The following TRIO variants were observed in gnomAD, a reference collection of about 807,000 sequenced individuals.
TRIO encodes the protein triple functional domain protein.
In TRIO, 58 loss-of-function variants were observed where a neutral mutation model predicts 351.9. The ratio of observed to expected loss-of-function variants is 0.16; its 90% CI spans 0.13 to 0.21. The LOEUF (loss-of-function observed/expected upper bound fraction) is 0.21, where lower values mean the gene tolerates loss of function less well. Among genes scored for constraint, TRIO ranks in the 10% least tolerant of loss-of-function variants. The probability of loss-of-function intolerance (pLI) is 1.00; values close to 1 mark genes in which losing one functional copy is unlikely to be tolerated. For missense variants in TRIO, 3,201 were observed against 4,027.8 expected (o/e 0.79, Z 5.56); for synonymous variants, 1,758 against 1,595.7 (o/e 1.10, Z -2.42).
chr5:14,474,388 A>C (rs1754897161), intron 40 of TRIO, among the ~76,000 whole-genome samples: 1 of 151,978 alleles, frequency 6.6e-6, no homozygotes, highest in Non-Finnish European at 1.5e-5. Context: ...CCTGGTCCTG[A>C]CCCCGAGCCC....
At chr5:14,312,967 A>G (rs548615640) in intron 8 of TRIO, among the ~76,000 whole-genome samples, 33 of 152,250 alleles carry the variant, frequency 2.2e-4, no homozygotes, top group Non-Finnish European at 3.7e-4. Flanking sequence ...TGAAAACTAT[A>G]TATGCCATCC....
At chr5:14,349,189 T>C (rs1194973234) in intron 11 of TRIO, among the ~76,000 whole-genome samples, 1 of 151,380 alleles carries the variant, frequency 6.6e-6, no homozygotes, top group African/African-American at 2.4e-5. Flanking sequence ...TTTTCCTGTG[T>C]GTATATGTGT....
intron 1 of TRIO, among the ~76,000 whole-genome samples, chr5:14,150,165 T>C (rs1218644439): frequency 6.6e-6 from 1 of 152,196 alleles, no homozygotes; most frequent in Non-Finnish European, 1.5e-5. Flanking sequence ...TCACAAACTA[T>C]AGTACAGCCA....
At chr5:14,219,276 T>C (rs1338954689) in intron 1 of TRIO, among the ~76,000 whole-genome samples, 1 of 151,982 alleles carries the variant, frequency 6.6e-6, no homozygotes, top group Admixed American at 6.6e-5. Flanking sequence ...CCTGACCAGA[T>C]CATTGTTTTC....
chr5:14,218,989 T>C (rs1792409407), intron 1 of TRIO, among the ~76,000 whole-genome samples: 1 of 152,126 alleles, frequency 6.6e-6, no homozygotes, highest in African/African-American at 2.4e-5. Context: ...GTTTACAAGA[T>C]TTAGGACAAG....
At chr5:14,233,624 C>T (rs1043782611) in intron 1 of TRIO, among the ~76,000 whole-genome samples, 3 of 151,980 alleles carry the variant, frequency 2.0e-5, no homozygotes, top group Non-Finnish European at 4.4e-5. Flanking sequence ...TTCACAGTGG[C>T]ACACTGAATC....
intron 1 of TRIO, among the ~76,000 whole-genome samples, chr5:14,174,110 G>C (rs26117): frequency 0.09 from 13,743 of 152,240 alleles, 719 homozygotes; most frequent in African/African-American, 0.13. Context: ...TAGAGCTGCT[G>C]ATTTATGGAG....
chr5:14,348,628 A>G (rs1480436546), intron 11 of TRIO, among the ~76,000 whole-genome samples: 1 of 152,038 alleles, frequency 6.6e-6, no homozygotes, highest in Non-Finnish European at 1.5e-5. Flanking sequence ...GCATGTGTGT[A>G]CACAAACATG....
chr5:14,267,573 A>C (rs1490367263), intron 1 of TRIO, among the ~76,000 whole-genome samples: 2 of 152,160 alleles, frequency 1.3e-5, no homozygotes, highest in African/African-American at 4.8e-5. Flanking sequence ...ACTTATTTTT[A>C]ATTTTTTAGA....
At chr5:14,162,261 A>G (rs748930520) in intron 1 of TRIO, among the ~76,000 whole-genome samples, 3 of 152,206 alleles carry the variant, frequency 2.0e-5, no homozygotes, top group Admixed American at 1.3e-4. Context: ...CTCTGTGAAC[A>G]TACTGAAGGC....
chr5:14,147,888 A>G (rs185464066), intron 1 of TRIO, among the ~76,000 whole-genome samples: 3 of 152,342 alleles, frequency 2.0e-5, no homozygotes, highest in East Asian at 1.9e-4. Context: ...GTTACCCTCA[A>G]TATTTCAAAA....
At position 14,406,675 on chromosome 5, in the gene TRIO, G is replaced by A; in HGVS notation, c.4959+3G>A. The A allele has an allele frequency of 6.2e-7, 1 of 1,613,662 alleles. No homozygotes were observed. Among genetic ancestry groups the A allele is most frequent in the Non-Finnish European group, 8.5e-7 (1 of 1,179,774 alleles). On this transcript the variant is annotated splice_donor_region_variant and intron_variant, in intron 33 of 56. Coordinates refer to ENST00000344204, the MANE Select transcript of TRIO (RefSeq NM_007118.4). ...AGAACACGCTGGACAGCGATAAGGT[G>A]AGTCACTGCCGGCACTTTGTGTGCG...
At chr5:14,506,007 G>A (rs987124429) in intron 55 of TRIO, among the ~76,000 whole-genome samples, 1 of 152,198 alleles carries the variant, frequency 6.6e-6, no homozygotes, top group African/African-American at 2.4e-5. Flanking sequence ...TTGGAGGGTT[G>A]TCGTGGGGCC....
intron 34 of TRIO, among the ~76,000 whole-genome samples, chr5:14,430,702 T>TTATTC (rs1751030607): frequency 6.6e-6 from 1 of 151,710 alleles, no homozygotes; most frequent in Non-Finnish European, 1.5e-5. Context: ...TTATTTTATT[T>TTATTC]TATTTTATTT....
chr5:14,215,628 T>C (rs1325602644), intron 1 of TRIO, among the ~76,000 whole-genome samples: 1 of 152,222 alleles, frequency 6.6e-6, no homozygotes, highest in Non-Finnish European at 1.5e-5. Flanking sequence ...TGAGATCTTT[T>C]AGCGCCAAGA....
At chr5:14,181,059 T>C (rs1371120027) in intron 1 of TRIO, among the ~76,000 whole-genome samples, 5 of 148,584 alleles carry the variant, frequency 3.4e-5, no homozygotes, top group African/African-American at 1.3e-4. Flanking sequence ...ATATGGATTA[T>C]AAAAAAATAA....
intron 26 of TRIO, 120 bp downstream of exon 26, chr5:14,390,420 G>A: frequency 2.2e-6 from 2 of 902,452 alleles, no homozygotes; most frequent in Non-Finnish European, 3.4e-6. Flanking sequence ...TGCTTGCGGA[G>A]AAATAGACTT....
intron 1 of TRIO, among the ~76,000 whole-genome samples, chr5:14,244,064 G>C (rs1794294017): frequency 6.6e-6 from 1 of 152,218 alleles, no homozygotes; most frequent in African/African-American, 2.4e-5. Flanking sequence ...TACACTTCGG[G>C]TGCGTTGCTT....
intron 33 of TRIO, among the ~76,000 whole-genome samples, chr5:14,409,834 CAAAA>C (rs762403574): frequency 2.4e-5 from 2 of 82,128 alleles, no homozygotes. Context: ...GACTCCATCT[CAAAA>C]AAAAAAAAAA....
Sources: allele counts gnomAD v4.1 joint callset (sites outside exome capture counted in the v4.1 genomes callset), GRCh38; gene constraint gnomAD v4.1.1; transcripts MANE v1.5; gene names NCBI Gene and HGNC (gene_info 2026-07-23, HGNC 2026-07-21).